The following HECW1 variants were observed in gnomAD, a reference collection of about 807,000 sequenced individuals.
HECW1 encodes HECT, C2 and WW domain containing E3 ubiquitin protein ligase 1, also known as E3 ubiquitin-protein ligase HECW1.
A neutral mutation model predicts 182.3 loss-of-function variants in HECW1; 61 were observed. The observed-to-expected ratio is 0.33, with a 90% confidence interval of 0.27 to 0.41. The LOEUF is 0.41. Ranked by LOEUF, HECW1 falls within the 10% of genes least tolerant of loss-of-function variation. The pLI, the probability that HECW1 is intolerant of heterozygous loss-of-function variation, is 1.00. For missense variants in HECW1, 1,739 were observed against 2,108.9 expected, an observed-to-expected ratio of 0.82 and a Z score of 3.44; for synonymous variants, 859 against 832.6, an observed-to-expected ratio of 1.03 and a Z score of -0.55.
At chr7:43,415,190 C>T (rs1012265572) in intron 8 of HECW1, among the ~76,000 whole-genome samples, 16 of 150,718 alleles carry the variant, frequency 1.1e-4, no homozygotes, top group East Asian at 5.8e-4. Context: ...CCATGTTTAG[C>T]ACTTCCTTCA....
In HECW1 at chr7:43,330,617, G is replaced by A. The variant is rs143074341; in HGVS notation, c.460+9875G>A. On this transcript the variant is annotated intron_variant, in intron 5 of 29. Coordinates refer to ENST00000395891, the MANE Select transcript of HECW1 (RefSeq NM_015052.5). Reference sequence around the variant, plus strand: ...ATGTCATCAATATGACCTGCTGAGCGCCACAGAGTCACAGAAGATACAGAA... The same window carrying A: ...ATGTCATCAATATGACCTGCTGAGCACCACAGAGTCACAGAAGATACAGAA... 3.0e-3 allele frequency among the ~76,000 whole-genome samples: 462 copies of A among 152,342 alleles called. 3 individuals carry two copies. The highest frequency in any genetic ancestry group is 0.011 in the African/African-American group (443 of 41,582).
chr7:43,212,222 AC>A (rs1224058723), intron 2 of HECW1, among the ~76,000 whole-genome samples: 1 of 152,192 alleles, frequency 6.6e-6, no homozygotes, highest in Non-Finnish European at 1.5e-5. Context: ...CATGAATAAA[AC>A]TTTTACCCAA....
chr7:43,247,325 T>G (rs1328494302), intron 3 of HECW1, among the ~76,000 whole-genome samples: 1 of 152,168 alleles, frequency 6.6e-6, no homozygotes, highest in African/African-American at 2.4e-5. Flanking sequence ...CACTAAAATT[T>G]GAGGGATCAT....
intron 6 of HECW1, among the ~76,000 whole-genome samples, chr7:43,382,235 G>A (rs539744065): frequency 4.0e-5 from 6 of 151,828 alleles, no homozygotes; most frequent in East Asian, 3.9e-4. Context: ...GCAGTGAGCC[G>A]AGATCGCGCC....
intron 9 of HECW1, among the ~76,000 whole-genome samples, chr7:43,441,013 A>C (rs2076869821): frequency 6.6e-6 from 1 of 152,186 alleles, no homozygotes; most frequent in African/African-American, 2.4e-5. Flanking sequence ...ATAAATACAG[A>C]GTCATCTGAG....
At chr7:43,202,925 C>A (rs1284748573) in intron 2 of HECW1, among the ~76,000 whole-genome samples, 2 of 152,136 alleles carry the variant, frequency 1.3e-5, no homozygotes, top group African/African-American at 2.4e-5. Flanking sequence ...AGAGGACAAC[C>A]CCCTTTGACT....
chr7:43,532,460 T>A (rs2081030396), intron 24 of HECW1, among the ~76,000 whole-genome samples: 1 of 152,186 alleles, frequency 6.6e-6, no homozygotes, highest in Non-Finnish European at 1.5e-5. Context: ...ATACTTAGAA[T>A]GAAATCTAAA....
chr7:43,129,442 T>C (rs1786656786), intron 2 of HECW1, among the ~76,000 whole-genome samples: 1 of 152,240 alleles, frequency 6.6e-6, no homozygotes, highest in South Asian at 2.1e-4. Context: ...GTATTATTTT[T>C]CTAGACATAA....
intron 5 of HECW1, among the ~76,000 whole-genome samples, chr7:43,338,462 A>G (rs1266507325): frequency 1.3e-5 from 2 of 151,870 alleles, no homozygotes; most frequent in African/African-American, 4.8e-5. Flanking sequence ...TTTATTCTTT[A>G]TCATTTCCTT....
At chr7:43,393,305 G>A (rs1313031367) in intron 6 of HECW1, among the ~76,000 whole-genome samples, 1 of 152,150 alleles carries the variant, frequency 6.6e-6, no homozygotes. Context: ...CAGGCCTGCA[G>A]CCTCAGGTTG....
chr7:43,414,005 G>A (rs1395121855), intron 8 of HECW1, among the ~76,000 whole-genome samples: 3 of 150,644 alleles, frequency 2.0e-5, no homozygotes, highest in African/African-American at 7.4e-5. Context: ...GTCATTGGTA[G>A]CTTGATGGGG....
rs1258787586 is a variant in HECW1, at chr7:43,456,316, C to T, written c.2520C>T (p.Asp840=). Residue 840 remains aspartate, a synonymous_variant, in exon 13 of 30, where the codon GAC becomes GAT. Coordinates refer to ENST00000395891, the MANE Select transcript of HECW1 (RefSeq NM_015052.5). ...PLPPNWEARI[D]SHGRVFYVDH... ...CACTAGACTGGGAAGCTCGAATTGA[C>T]AGCCACGGGCGGGTCTTTTATGTGG... 2.5e-6 allele frequency: 4 copies of T among 1,611,802 alleles called. No individual in the cohort carries two copies. The highest frequency in any genetic ancestry group is 1.7e-5 in the Admixed American group (1 of 59,778).
intron 2 of HECW1, among the ~76,000 whole-genome samples, chr7:43,207,045 A>T (rs1218654141): frequency 9.2e-5 from 14 of 151,956 alleles, no homozygotes; most frequent in Non-Finnish European, 2.1e-4. Flanking sequence ...TACCTTTTAA[A>T]TTTTTATTTT....
chr7:43,193,076 C>G (rs945033390), intron 2 of HECW1, among the ~76,000 whole-genome samples: 2 of 152,226 alleles, frequency 1.3e-5, no homozygotes, highest in Admixed American at 1.3e-4. Flanking sequence ...GTCCCTCCCC[C>G]TTTCACACCA....
At chr7:43,388,782 C>A (rs2074902705) in intron 6 of HECW1, among the ~76,000 whole-genome samples, 1 of 152,140 alleles carries the variant, frequency 6.6e-6, no homozygotes, top group African/African-American at 2.4e-5. Context: ...GCCACCATGC[C>A]CAGCTGAAAC....
chr7:43,241,419 C>T (rs952426151), intron 2 of HECW1: 3 of 152,154 alleles, frequency 2.0e-5, no homozygotes, highest in African/African-American at 4.8e-5. Context: ...TATGAAGTCT[C>T]CACTTCTGCT....
rs548448625 is a variant in HECW1, at chr7:43,432,289, G to A, written c.802-5714G>A. On this transcript the variant is annotated intron_variant, in intron 8 of 29. Coordinates refer to ENST00000395891, the MANE Select transcript of HECW1 (RefSeq NM_015052.5). The surrounding 1 kb of genome is among the most constrained non-coding windows in gnomAD (Gnocchi z 4.1). ...CAAGTAGCTGGGACTACAGGCGCCC[G>A]CCACTACACCCGGCTAATTTTTTGT... is the stretch of plus-strand genomic sequence containing the variant. Among the ~76,000 whole-genome samples the A allele has an allele frequency of 7.3e-5, 11 of 151,680 alleles. No homozygotes were observed. In the East Asian group the frequency reaches 1.6e-3, roughly 21 times the overall value.
intron 5 of HECW1, among the ~76,000 whole-genome samples, chr7:43,359,301 T>C (rs1815566484): frequency 6.6e-6 from 1 of 152,216 alleles, no homozygotes; most frequent in African/African-American, 2.4e-5. Flanking sequence ...GTACTTTAGC[T>C]GGACATTATC....
At chr7:43,375,270 G>A (rs1300618938) in intron 6 of HECW1, among the ~76,000 whole-genome samples, 6 of 151,780 alleles carry the variant, frequency 4.0e-5, no homozygotes. Flanking sequence ...ACAAAGATGT[G>A]CTTGGTAAGA....
Sources: allele counts gnomAD v4.1 joint callset (sites outside exome capture counted in the v4.1 genomes callset), GRCh38; gene constraint gnomAD v4.1.1; non-coding constraint Gnocchi (gnomAD v3.1); transcripts MANE v1.5; gene names NCBI Gene and HGNC (gene_info 2026-07-23, HGNC 2026-07-21).